The following GRAMD1B variants were observed in gnomAD, a reference collection of about 807,000 sequenced individuals.
GRAMD1B encodes protein Aster-B.
A neutral mutation model predicts 99.7 loss-of-function variants in GRAMD1B; 37 were observed. That is an observed-to-expected ratio of 0.37 (90% CI 0.29 to 0.49). The LOEUF is 0.49. Ranked by LOEUF, GRAMD1B falls within the 20% of genes least tolerant of loss-of-function variation. The probability of loss-of-function intolerance (pLI) is 0.98; values close to 1 mark genes in which losing one functional copy is unlikely to be tolerated. For missense variants in GRAMD1B, 888 were observed against 1,009.2 expected (o/e 0.88, Z 1.63); for synonymous variants, 427 against 387.6 (o/e 1.10, Z -1.19).
intron 1 of GRAMD1B, among the ~76,000 whole-genome samples, chr11:123,457,445 C>T (rs1439531236): frequency 6.6e-6 from 1 of 152,190 alleles, no homozygotes; most frequent in Non-Finnish European, 1.5e-5. Context: ...CTTTCTCAAT[C>T]TTTGTGTCTT....
intron 1 of GRAMD1B, among the ~76,000 whole-genome samples, chr11:123,478,958 T>A (rs529399412): frequency 6.6e-6 from 1 of 152,230 alleles, no homozygotes; most frequent in Non-Finnish European, 1.5e-5. Flanking sequence ...GATGCTTGAT[T>A]CATATAACAG....
chr11:123,499,605 T>C (rs913717944), intron 2 of GRAMD1B, among the ~76,000 whole-genome samples: 1 of 152,186 alleles, frequency 6.6e-6, no homozygotes, highest in African/African-American at 2.4e-5. Flanking sequence ...TGTAAGCAAT[T>C]AAATGCTGGC....
intron 10 of GRAMD1B, 147 bp from the exon 11 acceptor site, chr11:123,606,462 A>G (rs977809620): frequency 1.3e-4 from 88 of 666,278 alleles, no homozygotes; most frequent in Non-Finnish European, 2.2e-4. Flanking sequence ...AGCTCTGGGG[A>G]AGGGCTTTGG....
chr11:123,568,800 G>A (rs546814463), intron 2 of GRAMD1B, among the ~76,000 whole-genome samples: 1 of 152,296 alleles, frequency 6.6e-6, no homozygotes, highest in East Asian at 1.9e-4. Flanking sequence ...AGCTGTTCTG[G>A]TCCCTTCTTT....
upstream of GRAMD1B, among the ~76,000 whole-genome samples, chr11:123,427,104 C>T (rs559194008): frequency 6.6e-6 from 1 of 152,024 alleles, no homozygotes; most frequent in Non-Finnish European, 1.5e-5. Flanking sequence ...ACTGTGCGGT[C>T]GCTGAGAGCC....
exon 1 of GRAMD1B, chr11:123,358,527 C>T (rs572475435): frequency 1.3e-5 from 2 of 152,264 alleles, no homozygotes; most frequent in East Asian, 1.9e-4. Flanking sequence ...TGGGCGCAGC[C>T]GGCCGTCCCG....
intron 3 of GRAMD1B, among the ~76,000 whole-genome samples, chr11:123,583,313 C>T (rs568547976): frequency 1.6e-5 from 2 of 128,762 alleles, no homozygotes; most frequent in East Asian, 4.6e-4. Context: ...TGTGTGTGCA[C>T]GTGTGGATGT....
chr11:123,537,054 C>G (rs191160041), intron 2 of GRAMD1B, among the ~76,000 whole-genome samples: 1 of 152,154 alleles, frequency 6.6e-6, no homozygotes, highest in Non-Finnish European at 1.5e-5. Flanking sequence ...CTTTCTGCCC[C>G]GTCTTGAATT....
At chr11:123,592,765 C>G (rs1950813714) in intron 4 of GRAMD1B, among the ~76,000 whole-genome samples, 1 of 152,062 alleles carries the variant, frequency 6.6e-6, no homozygotes, top group Non-Finnish European at 1.5e-5. Context: ...GCAGTGCTGT[C>G]TCTGTGTAGG....
chr11:123,618,544 C>T (rs1016989001), intron 17 of GRAMD1B, 149 bp from the exon 18 acceptor site: 2 of 811,830 alleles, frequency 2.5e-6, no homozygotes, highest in African/African-American at 1.7e-5. Context: ...CTCTCTCTCT[C>T]TCCCTTGCTC....
rs148231702 is a variant in GRAMD1B at position 123,518,601 on chromosome 11, T to C, written c.452+37708T>C. On this transcript the variant is annotated intron_variant, in intron 2 of 19. Transcript: ENST00000635736. ...CCTCTTTTTACCAATTACAACCTTA[T>C]AGAGCGGCTAGCAATGGCAGTACTA... 9.1e-4 allele frequency among the ~76,000 whole-genome samples: 138 copies of C among 152,296 alleles called. 1 individual carries two copies. In the Middle Eastern group the frequency reaches 0.014, roughly 15 times the overall value.
Position 123,596,053 on chromosome 11 carries a change from C to T in GRAMD1B, c.969+16C>T. On this transcript the variant is annotated intron_variant, in intron 7 of 19. Transcript: ENST00000635736. ...TTCAGAAAAGGTAAGTGGAGTCTAA[C>T]TCTGGCCTTTCTAATCCTCCCTTAC... 2 of 1,422,044 alleles carry T rather than the reference C, an allele frequency of 1.4e-6. No homozygotes were observed. Among genetic ancestry groups the T allele is most frequent in the Non-Finnish European group, 2.0e-6 (2 of 1,015,016 alleles). 88.1% of individuals were successfully genotyped at this position (1,422,044 alleles called of 1,614,324 possible). A position where few individuals can be genotyped will look rare whatever the true frequency, so the allele number is the denominator to read the frequency against.
chr11:123,407,567 T>C (rs1455227516), intron 1 of GRAMD1B, among the ~76,000 whole-genome samples: 1 of 152,176 alleles, frequency 6.6e-6, no homozygotes, highest in Non-Finnish European at 1.5e-5. Flanking sequence ...CCAGAGGGCA[T>C]TAGGAACCTG....
intron 1 of GRAMD1B, among the ~76,000 whole-genome samples, chr11:123,360,682 G>T (rs1280586420): frequency 1.3e-5 from 2 of 152,100 alleles, no homozygotes; most frequent in Non-Finnish European, 1.5e-5. Flanking sequence ...TGCCCTATTT[G>T]GTTGCCTGAT....
chr11:123,397,921 G>A (rs1020509018), intron 1 of GRAMD1B, among the ~76,000 whole-genome samples: 2 of 152,174 alleles, frequency 1.3e-5, no homozygotes, highest in Non-Finnish European at 1.5e-5. Context: ...ACAGTAGCTT[G>A]TTCCTTTTTA....
At chr11:123,531,054 C>T (rs924328155) in intron 2 of GRAMD1B, among the ~76,000 whole-genome samples, 1 of 152,184 alleles carries the variant, frequency 6.6e-6, no homozygotes, top group African/African-American at 2.4e-5. Context: ...GGACTGTTTG[C>T]GTTCTTCTGT....
intron 2 of GRAMD1B, among the ~76,000 whole-genome samples, chr11:123,537,029 A>G (rs948821111): frequency 1.3e-5 from 2 of 152,156 alleles, no homozygotes; most frequent in Non-Finnish European, 2.9e-5. Context: ...ATTCTTCCTG[A>G]GTTTCCACTG....
intron 1 of GRAMD1B, among the ~76,000 whole-genome samples, chr11:123,461,780 T>G (rs1950425023): frequency 6.6e-6 from 1 of 151,786 alleles, no homozygotes; most frequent in Non-Finnish European, 1.5e-5. Context: ...AATTTTTGTA[T>G]TTTTAGTAGA....
chr11:123,374,391 T>A (rs1946626548), intron 1 of GRAMD1B, among the ~76,000 whole-genome samples: 1 of 152,228 alleles, frequency 6.6e-6, no homozygotes, highest in Non-Finnish European at 1.5e-5. Context: ...GTTGAACTTT[T>A]AACTGCAACC....
Sources: gnomAD v4.1 joint callset for allele counts (sites outside exome capture counted in the v4.1 genomes callset) on GRCh38, gnomAD v4.1.1 for gene constraint, MANE v1.5 for transcripts, NCBI Gene and HGNC (gene_info 2026-07-23, HGNC 2026-07-21) for gene names.